The following ADAMTSL3 variants were observed in gnomAD, a reference collection of about 807,000 sequenced individuals.
ADAMTSL3 encodes the protein ADAMTS-like protein 3.
ADAMTSL3 carries 128 observed loss-of-function variants against 201.7 expected under a neutral mutation model. The observed-to-expected ratio is 0.63, with a 90% confidence interval of 0.55 to 0.73. The LOEUF is 0.73. ADAMTSL3 is among the 30% of genes least tolerant of loss of function. The probability of loss-of-function intolerance (pLI) is 0.00; values close to 1 mark genes in which losing one functional copy is unlikely to be tolerated. For missense variants in ADAMTSL3, 1,990 were observed against 2,119.6 expected (o/e 0.94, Z 1.20); for synonymous variants, 738 against 748.4 (o/e 0.99, Z 0.23).
At chr15:83,772,926 A>G (rs963211158) in intron 3 of ADAMTSL3, among the ~76,000 whole-genome samples, 1 of 152,178 alleles carries the variant, frequency 6.6e-6, no homozygotes, top group Non-Finnish European at 1.5e-5. Context: ...CCTGCTATGT[A>G]AGTTAGAAAA....
At chr15:83,823,881 TTCTTCTTCTTCC>T (rs879642367) in intron 6 of ADAMTSL3, among the ~76,000 whole-genome samples, 2,840 of 113,708 alleles carry the variant, frequency 0.025, 224 homozygotes, top group African/African-American at 0.074. Context: ...CTCCATTTCC[TTCTTCTTCTTCC>T]TCTTCTTCTT....
intron 7 of ADAMTSL3, among the ~76,000 whole-genome samples, chr15:83,851,661 T>C (rs1596314520): frequency 6.6e-6 from 1 of 152,208 alleles, no homozygotes; most frequent in Non-Finnish European, 1.5e-5. Flanking sequence ...GGCAAGGAAA[T>C]TGACAAACAT....
chr15:83,720,364 A>G (rs887573597), intron 3 of ADAMTSL3, among the ~76,000 whole-genome samples: 3 of 152,230 alleles, frequency 2.0e-5, no homozygotes, highest in African/African-American at 7.2e-5. Flanking sequence ...TTACAATTAA[A>G]CATTTCTTCC....
intron 23 of ADAMTSL3, among the ~76,000 whole-genome samples, chr15:84,013,056 G>A (rs544923496): frequency 2.0e-5 from 3 of 152,224 alleles, no homozygotes; most frequent in Admixed American, 2.0e-4. Context: ...TTCACCTTGA[G>A]TTTTCAGGCA....
At chr15:83,886,174 A>G (rs1007458318) in intron 10 of ADAMTSL3, among the ~76,000 whole-genome samples, 2 of 152,222 alleles carry the variant, frequency 1.3e-5, no homozygotes, top group Non-Finnish European at 2.9e-5. Flanking sequence ...TCTGGAGCAA[A>G]TTAGGAGGCA....
intron 2 of ADAMTSL3, among the ~76,000 whole-genome samples, chr15:83,673,929 A>G (rs1169110793): frequency 1.3e-5 from 2 of 152,164 alleles, no homozygotes; most frequent in East Asian, 3.9e-4. Context: ...TCTGTTTGTA[A>G]GGTTGTTGTA....
chr15:83,757,420 TTAGCTGAG>T (rs2062739340), intron 3 of ADAMTSL3, among the ~76,000 whole-genome samples: 1 of 130,126 alleles, frequency 7.7e-6, no homozygotes, highest in Non-Finnish European at 1.7e-5. Context: ...TTGGCCCCTT[TTAGCTGAG>T]TGGCTGAGTG....
Position 83,942,612 on chromosome 15 carries a change from T to C in ADAMTSL3, c.2134T>C (p.Trp712Arg). The C allele has an allele frequency of 6.2e-7, 1 of 1,613,338 alleles. No individual in the cohort carries two copies. The part of the protein sequence containing the change: ...PCPPRWHVGS[W>R]GPCSATCGVG... Reference sequence around the variant, plus strand: ...CTGTTTTAGGTGGCATGTGGGCTCTTGGGGGCCCTGCTCAGCTACCTGTGG... The same window carrying C: ...CTGTTTTAGGTGGCATGTGGGCTCTCGGGGGCCCTGCTCAGCTACCTGTGG... Residue 712 changes from tryptophan (W) to arginine (R), a missense_variant, in exon 18 of 30, where the codon TGG becomes CGG. By Grantham distance (101) the Trp-to-Arg change is moderately radical. Transcript: ENST00000286744.
At chr15:84,015,674 A>G (rs1301338810) in intron 24 of ADAMTSL3, among the ~76,000 whole-genome samples, 2 of 152,194 alleles carry the variant, frequency 1.3e-5, no homozygotes, top group Non-Finnish European at 2.9e-5. Flanking sequence ...CTCTTTCCAA[A>G]AAGCCTCTGT....
At chr15:83,732,999 A>G (rs977747612) in intron 3 of ADAMTSL3, among the ~76,000 whole-genome samples, 1 of 152,134 alleles carries the variant, frequency 6.6e-6, no homozygotes, top group Non-Finnish European at 1.5e-5. Context: ...ACAATACTGC[A>G]TTGTATTGGG....
chr15:83,868,402 G>T (rs1020131975), intron 8 of ADAMTSL3, among the ~76,000 whole-genome samples: 2 of 152,086 alleles, frequency 1.3e-5, no homozygotes, highest in African/African-American at 2.4e-5. Context: ...TTTTTAAGAG[G>T]CACCAGCACA....
At position 83,830,314 on chromosome 15, in the gene ADAMTSL3, A is replaced by C. The variant is rs1318361855; in HGVS notation, c.601-7775A>C. On this transcript the variant is annotated intron_variant, in intron 6 of 29. Transcript: ENST00000286744. ...TGTCATTGGGGACTGAGTAAGAAGG[A>C]CAGGTTGTACTCTCAAGTACAGAGT... Among the ~76,000 whole-genome samples the C allele has an allele frequency of 5.7e-4, 87 of 152,208 alleles. 2 individuals carry two copies. The highest frequency in any genetic ancestry group is 5.7e-3 in the Admixed American group (87 of 15,274).
Position 83,950,530 on chromosome 15 carries a change from T to G in ADAMTSL3, c.2490+7448T>G, listed in dbSNP as rs2066737982. 2.0e-5 allele frequency among the ~76,000 whole-genome samples: 3 copies of G among 152,110 alleles called. No individual in the cohort carries two copies. In the South Asian group the frequency reaches 6.2e-4, roughly 31 times the overall value. On this transcript the variant is annotated intron_variant, in intron 19 of 29. Coordinates refer to ENST00000286744, the MANE Select transcript of ADAMTSL3 (RefSeq NM_207517.3). ...TTTATAAATTTTAGGATTTTTTTATTTCTGTGAAAAATGTCATTGATATTT... is the reference window on the plus strand; with the variant it reads ...TTTATAAATTTTAGGATTTTTTTATGTCTGTGAAAAATGTCATTGATATTT...
intron 4 of ADAMTSL3, among the ~76,000 whole-genome samples, chr15:83,799,681 A>G (rs1299400678): frequency 6.6e-6 from 1 of 152,142 alleles, no homozygotes; most frequent in African/African-American, 2.4e-5. Flanking sequence ...TGTTTTTTAT[A>G]TATTCATAAA....
chr15:84,036,235 C>A (rs1160818694), intron 28 of ADAMTSL3, among the ~76,000 whole-genome samples: 3 of 152,170 alleles, frequency 2.0e-5, no homozygotes, highest in African/African-American at 7.2e-5. Context: ...GAGATAGATT[C>A]TTATTCTCAT....
intron 19 of ADAMTSL3, chr15:83,962,499 C>T (rs552712177): frequency 8.5e-5 from 13 of 152,268 alleles, no homozygotes; most frequent in Admixed American, 2.6e-4. Flanking sequence ...AAATATCAAA[C>T]ATTCAACAAC....
chr15:83,935,904 T>C (rs564795519), intron 17 of ADAMTSL3, among the ~76,000 whole-genome samples: 1 of 152,194 alleles, frequency 6.6e-6, no homozygotes, highest in East Asian at 1.9e-4. Context: ...TGGCACATCA[T>C]AGGTAATCAA....
chr15:83,726,657 A>G (rs1318928043), intron 3 of ADAMTSL3, among the ~76,000 whole-genome samples: 3 of 152,080 alleles, frequency 2.0e-5, no homozygotes, highest in South Asian at 4.1e-4. Flanking sequence ...AAATCATCAT[A>G]TGGTTTTTGT....
intron 2 of ADAMTSL3, among the ~76,000 whole-genome samples, chr15:83,665,350 C>T (rs1484800775): frequency 1.3e-5 from 2 of 152,060 alleles, no homozygotes; most frequent in African/African-American, 4.8e-5. Context: ...TACATGGAGT[C>T]TCACCTTCGG....
Sources: allele counts gnomAD v4.1 joint callset (sites outside exome capture counted in the v4.1 genomes callset), GRCh38; gene constraint gnomAD v4.1.1; transcripts MANE v1.5; gene names NCBI Gene and HGNC (gene_info 2026-07-23, HGNC 2026-07-21).